The following ZFPM1 variants were observed in gnomAD, a reference collection of about 807,000 sequenced individuals.
ZFPM1 encodes the protein zinc finger protein, FOG family member 1.
In ZFPM1, 28 loss-of-function variants were observed where a neutral mutation model predicts 46.3. That is an observed-to-expected ratio of 0.60 (90% CI 0.45 to 0.83). The LOEUF (loss-of-function observed/expected upper bound fraction) is 0.83, where lower values mean the gene tolerates loss of function less well. Among genes scored for constraint, ZFPM1 ranks in the 40% least tolerant of loss-of-function variants. ZFPM1 has a pLI of 0.00. For synonymous variants in ZFPM1, 957 were observed against 675.9 expected (o/e 1.42, Z -6.45); for missense variants, 1,878 against 1,432.4 (o/e 1.31, Z -5.02).
chr16:88,533,582 A>G lies in ZFPM1; in HGVS notation c.1624A>G (p.Ile542Val), dbSNP rs1912985808. ...CGACGCGGCGCCCCCCGCCTCGGAG[A>G]TCCTGGCCAAGATGTCCGAGCTGGT... ...GPDAAPPASE[I>V]LAKMSELVHS... is the part of the protein sequence containing the mutation. The change falls in exon 10 of 10, where the codon ATC becomes GTC. Residue 542 changes from isoleucine to valine, a missense_variant. Physicochemically the swap from Ile to Val is conservative, Grantham distance 29. Coordinates refer to ENST00000319555, the MANE Select transcript of ZFPM1 (RefSeq NM_153813.3). 5 of 1,499,582 alleles carry G rather than the reference A, an allele frequency of 3.3e-6. No individual in the cohort carries two copies. Among genetic ancestry groups the G allele is most frequent in the Non-Finnish European group, 4.4e-6 (5 of 1,124,486 alleles). The allele number at this position is 1,499,582 out of a possible 1,614,324, so 92.9% of individuals were successfully genotyped here.
Position 88,535,149 on chromosome 16 carries a change from A to T in ZFPM1, c.*170A>T. 1.2e-6 allele frequency: 1 copy of T among 810,556 alleles called. No homozygotes were observed. The highest frequency in any genetic ancestry group is 1.7e-6 in the Non-Finnish European group (1 of 598,206). 50.2% of individuals were successfully genotyped at this position (810,556 alleles called of 1,614,324 possible). ...CTGGACCCTTGGCACTTAATAAAGAAGTTCAGTTTGATGAGCATGGTGGTG... is the reference window on the plus strand; with the variant it reads ...CTGGACCCTTGGCACTTAATAAAGATGTTCAGTTTGATGAGCATGGTGGTG... On this transcript the variant is annotated 3_prime_UTR_variant, in exon 10 of 10. Coordinates refer to ENST00000319555, the MANE Select transcript of ZFPM1 (RefSeq NM_153813.3).
chr16:88,503,664 C>T (rs2142406551), intron 3 of ZFPM1, among the ~76,000 whole-genome samples: 1 of 152,322 alleles, frequency 6.6e-6, no homozygotes, highest in South Asian at 2.1e-4. Flanking sequence ...TGGCAGCACC[C>T]TCTGTGGCTT....
intron 6 of ZFPM1, among the ~76,000 whole-genome samples, chr16:88,531,596 C>G (rs962032989): frequency 1.3e-5 from 2 of 152,218 alleles, no homozygotes; most frequent in African/African-American, 4.8e-5. Context: ...CGCACCTGCA[C>G]GCACATCTGT....
chr16:88,514,257 C>T (rs913248624), intron 3 of ZFPM1, 130 bp from the exon 4 acceptor site: 22 of 1,444,918 alleles, frequency 1.5e-5, no homozygotes, highest in Middle Eastern at 2.4e-4. Context: ...AGCACCTGCC[C>T]GGCCCCTGCC....
chr16:88,471,050 G>A lies in ZFPM1; in HGVS notation c.41-14889G>A, dbSNP rs1908395393. Among the ~76,000 whole-genome samples the A allele has an allele frequency of 6.6e-6, 1 of 152,182 alleles. No homozygotes were observed. The highest frequency in any genetic ancestry group is 6.5e-5 in the Admixed American group (1 of 15,292). On this transcript the variant is annotated intron_variant, in intron 1 of 9. Transcript: ENST00000319555. This position sits in a 1 kb window ranked among gnomAD's most constrained non-coding sequence, Gnocchi z 4.1. Reference sequence around the variant, plus strand: ...GCGACAGGCATTCCCTTCCCCGTGTGCCCTTGCCAACTACATACTGGGCTG... The same window carrying A: ...GCGACAGGCATTCCCTTCCCCGTGTACCCTTGCCAACTACATACTGGGCTG...
chr16:88,478,881 G>A lies in ZFPM1; in HGVS notation c.41-7058G>A, dbSNP rs181159098. Among the ~76,000 whole-genome samples, 18 of 152,334 alleles carry A rather than the reference G, an allele frequency of 1.2e-4. 1 individual carries two copies. Among genetic ancestry groups the A allele is most frequent in the Admixed American group, 7.8e-4 (12 of 15,312 alleles). On this transcript the variant is annotated intron_variant, in intron 1 of 9. Transcript: ENST00000319555. ...GTGACAAATGCTACTCGAGGGAAAC[G>A]GGGGTGGAGACTTCCCCGGGGGCCT...
At chr16:88,528,336 C>G in intron 6 of ZFPM1, 98 bp downstream of exon 6, 1 of 1,321,422 alleles carries the variant, frequency 7.6e-7, no homozygotes, top group East Asian at 2.6e-5. Context: ...AGCTCGGGGG[C>G]TGCAGGCTGC....
chr16:88,456,840 T>C (rs1014975594), intron 1 of ZFPM1, among the ~76,000 whole-genome samples: 10 of 151,760 alleles, frequency 6.6e-5, no homozygotes, highest in Non-Finnish European at 1.5e-5. Flanking sequence ...ATATTGAGGG[T>C]CCACCGAGGC....
intron 1 of ZFPM1, among the ~76,000 whole-genome samples, chr16:88,482,550 G>A (rs1245072176): frequency 6.6e-6 from 1 of 152,136 alleles, no homozygotes; most frequent in Non-Finnish European, 1.5e-5. Context: ...GCACCTCCCT[G>A]GGTGTCTGAG....
At chr16:88,507,089 C>A (rs1910703670) in intron 3 of ZFPM1, among the ~76,000 whole-genome samples, 2 of 152,182 alleles carry the variant, frequency 1.3e-5, no homozygotes, top group South Asian at 2.1e-4. Flanking sequence ...ACGGAGGGCC[C>A]ACTACCCAAG....
At chr16:88,475,829 C>A (rs527808249) in intron 1 of ZFPM1, among the ~76,000 whole-genome samples, 1 of 152,196 alleles carries the variant, frequency 6.6e-6, no homozygotes, top group African/African-American at 2.4e-5. Context: ...CTGGGACGCA[C>A]GCGTGCAGGA....
intron 3 of ZFPM1, among the ~76,000 whole-genome samples, chr16:88,490,295 G>A (rs532056469): frequency 7.6e-4 from 116 of 152,152 alleles, no homozygotes; most frequent in Non-Finnish European, 1.4e-3. Context: ...CTCGTGATCC[G>A]CCCGCCTCGG....
intron 3 of ZFPM1, among the ~76,000 whole-genome samples, chr16:88,501,186 GCC>G (rs1340033944): frequency 8.2e-6 from 1 of 122,174 alleles, no homozygotes; most frequent in African/African-American, 3.0e-5. Flanking sequence ...GGGTGCGGGG[GCC>G]CTCCCGCAGG....
intron 4 of ZFPM1, among the ~76,000 whole-genome samples, chr16:88,522,445 C>G (rs937544652): frequency 1.3e-5 from 2 of 152,228 alleles, no homozygotes; most frequent in East Asian, 3.8e-4. Context: ...TGGGGATGAC[C>G]AAGCAGCCCC....
intron 3 of ZFPM1, among the ~76,000 whole-genome samples, chr16:88,505,170 TCGCC>T (rs1333081967): frequency 1.3e-5 from 2 of 152,200 alleles, no homozygotes; most frequent in African/African-American, 4.8e-5. Context: ...TGCCTCTCCC[TCGCC>T]CGGTGGCTGA....
chr16:88,532,536 GCCCAGTCGCCTTCCTCATCCCTGGAGT>G, intron 7 of ZFPM1, 51 bp from the exon 8 acceptor site: 2 of 1,440,270 alleles, frequency 1.4e-6, no homozygotes, highest in Non-Finnish European at 1.9e-6. Context: ...ACGGCCCTGG[GCCCAGTCGCCTTCCTCATCCCTGGAGT>G]CCCAAGGTTA....
At position 88,533,220 on chromosome 16, in the gene ZFPM1, C is replaced by A; in HGVS notation, c.1262C>A (p.Ala421Glu). ...CTGGCCTCCGCGGACCTGGGCCTGG[C>A]GCCCACCCCATCGCCAGGACTGGAC... ...GPLASADLGL[A>E]PTPSPGLDRK... The change falls in exon 10 of 10, where the codon GCG (alanine) becomes GAG (glutamate). Residue 421 changes from alanine to glutamate, a missense_variant. Ala to Glu is a moderately radical substitution (Grantham distance 107). Coordinates refer to ENST00000319555, the MANE Select transcript of ZFPM1 (RefSeq NM_153813.3). The A allele has an allele frequency of 1.3e-6, 2 of 1,561,638 alleles. No homozygotes were observed. Among genetic ancestry groups the A allele is most frequent in the Non-Finnish European group, 1.7e-6 (2 of 1,161,650 alleles).
intron 6 of ZFPM1, among the ~76,000 whole-genome samples, chr16:88,530,214 G>A (rs1912680109): frequency 6.6e-6 from 1 of 152,206 alleles, no homozygotes; most frequent in African/African-American, 2.4e-5. Context: ...CAGTAAGACA[G>A]TGGGGACAGC....
intron 1 of ZFPM1, among the ~76,000 whole-genome samples, chr16:88,463,564 C>T (rs1054344088): frequency 6.6e-6 from 1 of 152,262 alleles, no homozygotes; most frequent in Non-Finnish European, 1.5e-5. Flanking sequence ...GTCCTTCTCC[C>T]GGCAGCCTTT....
Sources: allele counts gnomAD v4.1 joint callset (sites outside exome capture counted in the v4.1 genomes callset), GRCh38; gene constraint gnomAD v4.1.1; non-coding constraint Gnocchi (gnomAD v3.1); transcripts MANE v1.5; gene names NCBI Gene and HGNC (gene_info 2026-07-23, HGNC 2026-07-21).